DOCK5: variants seen among roughly 807,000 people sequenced by gnomAD.
DOCK5 encodes the protein dedicator of cytokinesis 5.
DOCK5 carries 142 observed loss-of-function variants against 251.8 expected under a neutral mutation model. The ratio of observed to expected loss-of-function variants is 0.56; its 90% CI spans 0.49 to 0.65. DOCK5 has a LOEUF of 0.65. DOCK5 is among the 30% of genes least tolerant of loss of function. The probability of loss-of-function intolerance (pLI) is 0.00; values close to 1 mark genes in which losing one functional copy is unlikely to be tolerated. For synonymous variants in DOCK5, 842 were observed against 835.5 expected (o/e 1.01, Z -0.13); for missense variants, 2,111 against 2,312.3 (o/e 0.91, Z 1.79).
chr8:25,370,895 C>T (rs932496387), intron 34 of DOCK5, among the ~76,000 whole-genome samples: 9 of 152,178 alleles, frequency 5.9e-5, no homozygotes, highest in African/African-American at 1.4e-4. Context: ...CCTCCAGCCT[C>T]GGCTTCCTAA....
chr8:25,332,190 T>G, intron 18 of DOCK5, 61 bp from the exon 19 acceptor site: 1 of 1,271,222 alleles, frequency 7.9e-7, no homozygotes, highest in Non-Finnish European at 1.1e-6. Context: ...TCTTTAGCTA[T>G]GTCCTGAAAT....
At chr8:25,352,302 AAAG>A (rs1800485823) in intron 27 of DOCK5, among the ~76,000 whole-genome samples, 1 of 151,628 alleles carries the variant, frequency 6.6e-6, no homozygotes, top group South Asian at 2.1e-4. Context: ...AAAGGAGAGA[AAAG>A]AAGAAAAGAG....
chr8:25,377,302 C>T lies in DOCK5; in HGVS notation c.3817-3C>T, dbSNP rs1399751240. 1 of 1,602,906 alleles carries T rather than the reference C, an allele frequency of 6.2e-7. No individual in the cohort carries two copies. Among genetic ancestry groups the T allele is most frequent in the South Asian group, 1.1e-5 (1 of 90,066 alleles). ...ACCGTGTGTCGCTTTTCTTCCTTTT[C>T]AGTGGTCTGACAAGCCCTGTGTGCC... On this transcript the variant is annotated splice_polypyrimidine_tract_variant and splice_region_variant and intron_variant, in intron 37 of 51. Coordinates refer to ENST00000276440, the MANE Select transcript of DOCK5 (RefSeq NM_024940.8).
At chr8:25,315,972 A>AT (rs1379561263) in intron 13 of DOCK5, among the ~76,000 whole-genome samples, 1 of 152,140 alleles carries the variant, frequency 6.6e-6, no homozygotes, top group Non-Finnish European at 1.5e-5. Flanking sequence ...TGTTGGAATC[A>AT]TTTTTTCAAT....
chr8:25,206,231 G>A (rs1336746858), intron 1 of DOCK5, among the ~76,000 whole-genome samples: 5 of 152,178 alleles, frequency 3.3e-5, no homozygotes, highest in Non-Finnish European at 5.9e-5. Context: ...GAAGCAAAGG[G>A]TGGGTAAAGT....
intron 1 of DOCK5, among the ~76,000 whole-genome samples, chr8:25,203,911 C>G (rs141547282): frequency 1.3e-5 from 2 of 152,264 alleles, no homozygotes; most frequent in Non-Finnish European, 2.9e-5. Flanking sequence ...AGTGATCCTG[C>G]CTTCCTAAAA....
chr8:25,382,436 G>A (rs1801084159), intron 39 of DOCK5, among the ~76,000 whole-genome samples: 1 of 152,178 alleles, frequency 6.6e-6, no homozygotes, highest in Non-Finnish European at 1.5e-5. Context: ...ATTCCAACGT[G>A]CACACACTTC....
intron 26 of DOCK5, among the ~76,000 whole-genome samples, chr8:25,346,784 A>G (rs1416626577): frequency 1.0e-5 from 1 of 97,458 alleles, no homozygotes; most frequent in African/African-American, 4.2e-5. Context: ...AGATTGTGCC[A>G]CTGCACTCCA....
At chr8:25,301,652 C>T (rs1804765337) in intron 9 of DOCK5, among the ~76,000 whole-genome samples, 1 of 151,500 alleles carries the variant, frequency 6.6e-6, no homozygotes, top group South Asian at 2.1e-4. Context: ...ATCCCTTGAG[C>T]CTAGACGTTC....
intron 2 of DOCK5, among the ~76,000 whole-genome samples, chr8:25,251,662 T>G (rs984598891): frequency 3.3e-5 from 5 of 152,208 alleles, no homozygotes; most frequent in African/African-American, 1.2e-4. Flanking sequence ...TTTGTCTGCA[T>G]GTTTGCCAAA....
intron 27 of DOCK5, among the ~76,000 whole-genome samples, chr8:25,354,530 G>A (rs932687867): frequency 1.3e-5 from 2 of 152,124 alleles, no homozygotes; most frequent in East Asian, 1.9e-4. Context: ...CAGTACTCCC[G>A]CCGTGCTTCC....
At chr8:25,202,584 G>T (rs1801906192) in intron 1 of DOCK5, among the ~76,000 whole-genome samples, 1 of 152,132 alleles carries the variant, frequency 6.6e-6, no homozygotes, top group Non-Finnish European at 1.5e-5. Context: ...ATGTTCCAGG[G>T]TCTTGCTGGG....
chr8:25,196,329 G>T (rs757136401), intron 1 of DOCK5, among the ~76,000 whole-genome samples: 2 of 152,154 alleles, frequency 1.3e-5, no homozygotes, highest in Non-Finnish European at 2.9e-5. Context: ...ACATGAATTG[G>T]AAAGGAAAGA....
At chr8:25,265,472 C>T (rs553995941) in intron 2 of DOCK5, among the ~76,000 whole-genome samples, 62 of 152,026 alleles carry the variant, frequency 4.1e-4, no homozygotes, top group Middle Eastern at 3.4e-3. Flanking sequence ...GTTAATGGCT[C>T]ATTCCTTTTA....
Position 25,325,631 on chromosome 8 carries a change from A to G in DOCK5, c.1903+84A>G, listed in dbSNP as rs540244417. ...TTGGTTAGGCTCACAGGGCTGGACT[A>G]TATGGGGCTGGGTCTTATTAGGTAG... On this transcript the variant is annotated intron_variant, in intron 18 of 51. Transcript: ENST00000276440. 11 of 1,503,924 alleles carry G rather than the reference A, an allele frequency of 7.3e-6. 2 individuals are homozygous for G. In the South Asian group the frequency reaches 1.3e-4, roughly 18 times the overall value. 93.2% of individuals were successfully genotyped at this position (1,503,924 alleles called of 1,614,324 possible).
intron 30 of DOCK5, 23 bp downstream of exon 30, chr8:25,364,727 TG>T: frequency 6.5e-7 from 1 of 1,544,454 alleles, no homozygotes; most frequent in Non-Finnish European, 8.8e-7. Flanking sequence ...CTCACCTACC[TG>T]CTTCTAGAAT....
intron 45 of DOCK5, among the ~76,000 whole-genome samples, chr8:25,397,908 A>G (rs1240117223): frequency 6.6e-6 from 1 of 152,254 alleles, no homozygotes; most frequent in East Asian, 1.9e-4. Flanking sequence ...GTTAATATGT[A>G]TGACTGCACA....
At chr8:25,335,508 A>T (rs111917997) in intron 21 of DOCK5, among the ~76,000 whole-genome samples, 3,434 of 151,062 alleles carry the variant, frequency 0.023, 54 homozygotes, top group South Asian at 0.076. Flanking sequence ...TAATAATAAT[A>T]ATTATAAGTG....
intron 23 of DOCK5, 26 bp from the exon 24 acceptor site, chr8:25,341,713 A>G (rs1227119340): frequency 1.9e-6 from 3 of 1,559,008 alleles, no homozygotes; most frequent in Non-Finnish European, 2.6e-6. Flanking sequence ...TGGCAACTGA[A>G]TTTGCCTTTG....
Sources: allele counts gnomAD v4.1 joint callset (sites outside exome capture counted in the v4.1 genomes callset), GRCh38; gene constraint gnomAD v4.1.1; transcripts MANE v1.5; gene names NCBI Gene and HGNC (gene_info 2026-07-23, HGNC 2026-07-21).